TMEM135: variants seen among roughly 807,000 people sequenced by gnomAD.
TMEM135 encodes transmembrane protein 135, also known as peroxisomal membrane protein 52.
TMEM135 carries 30 observed loss-of-function variants against 60.3 expected under a neutral mutation model. That is an observed-to-expected ratio of 0.50 (90% CI 0.37 to 0.68). TMEM135 has a LOEUF of 0.68. Among genes scored for constraint, TMEM135 ranks in the 30% least tolerant of loss-of-function variants. The pLI is 0.00. For missense variants in TMEM135, 468 were observed against 548.8 expected (o/e 0.85, Z 1.47); for synonymous variants, 190 against 186.7 (o/e 1.02, Z -0.14).
intron 1 of TMEM135, among the ~76,000 whole-genome samples, chr11:87,042,587 T>C (rs1949759544): frequency 6.6e-6 from 1 of 152,154 alleles, no homozygotes; most frequent in African/African-American, 2.4e-5. Context: ...CTTCTAAGGC[T>C]GCTTCTGAGG....
In TMEM135 at chr11:87,126,987, G is replaced by A; in HGVS notation, c.397-30354G>A. ...ATCCTTTTCAAGAATACATATATAA[G>A]TGTAGATAAAAAAGTCTGAGCTCAT... is the stretch of plus-strand genomic sequence containing the variant. On this transcript the variant is annotated intron_variant, in intron 4 of 14. Coordinates refer to ENST00000305494, the MANE Select transcript of TMEM135 (RefSeq NM_022918.4). Among the ~76,000 whole-genome samples, 2 of 152,160 alleles carry A rather than the reference G, an allele frequency of 1.3e-5. 1 individual carries two copies. The highest frequency in any genetic ancestry group is 2.9e-5 in the Non-Finnish European group (2 of 68,016).
Position 87,037,946 on chromosome 11 carries a change from C to A in TMEM135, c.-100C>A, listed in dbSNP as rs950019777. ...ACCTTTCCCCTCCATTCCGCACCTC[C>A]GAGTGCTGGCCGGGCGAGAGGCTGG... On this transcript the variant is annotated 5_prime_UTR_variant, in exon 1 of 15. Transcript: ENST00000305494. The A allele has an allele frequency of 7.0e-6, 11 of 1,568,900 alleles. No homozygotes were observed. Among genetic ancestry groups the A allele is most frequent in the African/African-American group, 1.3e-5 (1 of 74,344 alleles).
In TMEM135 at chr11:87,324,700, G is replaced by A. The variant is rs1261174899; in HGVS notation, c.*3367G>A. The A allele has an allele frequency of 2.2e-6, 1 of 453,738 alleles. No homozygotes were observed. The highest frequency in any genetic ancestry group is 4.4e-6 in the Non-Finnish European group (1 of 226,690). The allele number at this position is 453,738 out of a possible 1,614,324, so 28.1% of individuals were successfully genotyped here. A position where few individuals can be genotyped will look rare whatever the true frequency, so the allele number is the denominator to read the frequency against. On this transcript the variant is annotated 3_prime_UTR_variant, in exon 15 of 15. Coordinates refer to ENST00000305494, the MANE Select transcript of TMEM135 (RefSeq NM_022918.4). ...CTTGGGTTGGCCTCCCGGGACTCTG[G>A]GATTCCAGGTGTGAGCCACGGTACC...
chr11:87,297,581 C>CA (rs555790160), intron 7 of TMEM135, among the ~76,000 whole-genome samples: 95 of 152,196 alleles, frequency 6.2e-4, no homozygotes, highest in Non-Finnish European at 1.0e-3. Flanking sequence ...TGTTTTCCTA[C>CA]ATCTCCTTAG....
intron 6 of TMEM135, among the ~76,000 whole-genome samples, chr11:87,238,241 A>G (rs766330091): frequency 5.3e-5 from 8 of 151,910 alleles, no homozygotes; most frequent in Non-Finnish European, 1.2e-4. Context: ...TGATTTTTAA[A>G]CCACCAATTT....
intron 6 of TMEM135, among the ~76,000 whole-genome samples, chr11:87,279,718 T>A (rs1942027369): frequency 6.6e-6 from 1 of 152,234 alleles, no homozygotes; most frequent in South Asian, 2.1e-4. Flanking sequence ...TATTGCTTAC[T>A]CCACCTCATG....
At chr11:87,212,418 G>A (rs1940391833) in intron 5 of TMEM135, among the ~76,000 whole-genome samples, 1 of 152,120 alleles carries the variant, frequency 6.6e-6, no homozygotes, top group Non-Finnish European at 1.5e-5. Context: ...TAATTTTAAA[G>A]GAGAACTTTG....
At chr11:87,235,805 C>T (rs1591125584) in intron 5 of TMEM135, among the ~76,000 whole-genome samples, 1 of 151,898 alleles carries the variant, frequency 6.6e-6, no homozygotes, top group East Asian at 1.9e-4. Flanking sequence ...TTCTGGGTTC[C>T]TTCAACATAC....
In TMEM135 at chr11:87,327,560, C is replaced by T. The variant is rs1482856550; in HGVS notation, c.*6227C>T. 1.6e-5 allele frequency: 7 copies of T among 451,468 alleles called. No individual in the cohort carries two copies. Among genetic ancestry groups the T allele is most frequent in the Non-Finnish European group, 3.1e-5 (7 of 225,614 alleles). The allele number at this position is 451,468 out of a possible 1,614,324, so 28.0% of individuals were successfully genotyped here. A position where few individuals can be genotyped will look rare whatever the true frequency, so the allele number is the denominator to read the frequency against. ...GAGATATGAGAGGGATAGAGAGAGACACAGAGAGAGATATGAGAGGGGATT... is the reference window on the plus strand; with the variant it reads ...GAGATATGAGAGGGATAGAGAGAGATACAGAGAGAGATATGAGAGGGGATT... On this transcript the variant is annotated 3_prime_UTR_variant, in exon 15 of 15. Transcript: ENST00000305494.
chr11:87,257,867 T>C (rs533510), intron 6 of TMEM135, among the ~76,000 whole-genome samples: 35,410 of 151,984 alleles, frequency 0.23, 4,424 homozygotes, highest in South Asian at 0.33. Flanking sequence ...TTGTATAATA[T>C]TTCAATGGTA....
At chr11:87,175,096 T>C (rs576949976) in intron 5 of TMEM135, among the ~76,000 whole-genome samples, 1 of 152,152 alleles carries the variant, frequency 6.6e-6, no homozygotes, top group Non-Finnish European at 1.5e-5. Context: ...CTGGATGGTA[T>C]AGATACTGAA....
At chr11:87,177,166 A>G (rs1261702283) in intron 5 of TMEM135, among the ~76,000 whole-genome samples, 12 of 152,154 alleles carry the variant, frequency 7.9e-5, no homozygotes, top group Admixed American at 7.9e-4. Flanking sequence ...AAAGCACTTT[A>G]CCATTGCCTC....
chr11:87,286,455 T>A (rs1453983543), intron 6 of TMEM135, among the ~76,000 whole-genome samples: 1 of 152,172 alleles, frequency 6.6e-6, no homozygotes, highest in African/African-American at 2.4e-5. Flanking sequence ...CCAGCTGGCT[T>A]CGCCTAGTGG....
chr11:87,221,028 A>G lies in TMEM135; in HGVS notation c.463-15610A>G, dbSNP rs551680948. Among the ~76,000 whole-genome samples, 18 of 152,336 alleles carry G rather than the reference A, an allele frequency of 1.2e-4. No individual in the cohort carries two copies. The South Asian group carries it at 3.1e-3, about 26-fold the overall frequency. ...TGCTACTAAAAAAAAGACTGGAAAC[A>G]TTAAGAATGCTGTTGTCATAAAGTT... On this transcript the variant is annotated intron_variant, in intron 5 of 14. Coordinates refer to ENST00000305494, the MANE Select transcript of TMEM135 (RefSeq NM_022918.4).
intron 5 of TMEM135, among the ~76,000 whole-genome samples, chr11:87,203,794 A>T (rs116177499): frequency 3.2e-4 from 48 of 152,362 alleles, no homozygotes; most frequent in African/African-American, 1.1e-3. Flanking sequence ...ACTGTCTTCC[A>T]AAGTGGCTGT....
intron 4 of TMEM135, among the ~76,000 whole-genome samples, chr11:87,120,501 TCGC>T: frequency 1.7e-5 from 2 of 117,598 alleles, no homozygotes; most frequent in Admixed American, 1.1e-4. Flanking sequence ...AGACAGAGTT[TCGC>T]TCTGTCACCC....
chr11:87,066,430 A>G (rs1271714360), intron 1 of TMEM135, among the ~76,000 whole-genome samples: 1 of 152,148 alleles, frequency 6.6e-6, no homozygotes, highest in East Asian at 1.9e-4. Context: ...AGTCCTCAGT[A>G]TCTATATATC....
At chr11:87,198,679 C>T (rs1056666925) in intron 5 of TMEM135, among the ~76,000 whole-genome samples, 5 of 151,516 alleles carry the variant, frequency 3.3e-5, no homozygotes, top group East Asian at 3.9e-4. Context: ...TCTCTTACTT[C>T]CTCCAATTTC....
chr11:87,175,578 A>G (rs2135295174), intron 5 of TMEM135, among the ~76,000 whole-genome samples: 1 of 151,916 alleles, frequency 6.6e-6, no homozygotes, highest in South Asian at 2.1e-4. Flanking sequence ...TAAATGTGTC[A>G]TAATTTTGTC....
Sources: gnomAD v4.1 joint callset for allele counts (sites outside exome capture counted in the v4.1 genomes callset) on GRCh38, gnomAD v4.1.1 for gene constraint, MANE v1.5 for transcripts, NCBI Gene and HGNC (gene_info 2026-07-23, HGNC 2026-07-21) for gene names.